NR4A2: variants seen among roughly 807,000 people sequenced by gnomAD.
NR4A2 encodes the protein nuclear receptor subfamily 4 group A member 2, also known as NGFI-B/nur77 beta-type transcription factor homolog.
Under a neutral mutation model 50.5 loss-of-function variants are expected in NR4A2, and 1 was observed. That is an observed-to-expected ratio of 0.02 (90% CI 0.01 to 0.09). The LOEUF (loss-of-function observed/expected upper bound fraction) is 0.09, where lower values mean the gene tolerates loss of function less well. NR4A2 is among the 10% of genes least tolerant of loss of function. The pLI is 1.00. For synonymous variants in NR4A2, 328 were observed against 309.4 expected, an observed-to-expected ratio of 1.06 and a Z score of -0.63; for missense variants, 613 against 777.3, an observed-to-expected ratio of 0.79 and a Z score of 2.51.
chr2:156,329,694 G>C lies in NR4A2; in HGVS notation c.493C>G (p.Gln165Glu). The C allele has an allele frequency of 6.2e-7, 1 of 1,614,034 alleles. No homozygotes were observed. Among genetic ancestry groups the C allele is most frequent in the African/African-American group, 1.3e-5 (1 of 75,040 alleles). ...NYVATTHMIE[Q>E]RKTPVSRLSL... ...AGGCGGGAGACTGGCGTTTTCCTCT[G>C]CTCGATCATGTGCGTAGTGGCCACG... The change falls in exon 3 of 8, where the codon CAG (glutamine) becomes GAG (glutamate). Residue 165 changes from glutamine to glutamate, a missense_variant. Physicochemically the swap from Gln to Glu is conservative, Grantham distance 29. Transcript: ENST00000339562. This position sits in a 1 kb window ranked among gnomAD's most constrained non-coding sequence, Gnocchi z 7.5.
chr2:156,328,254 C>T lies in NR4A2; in HGVS notation c.994+150G>A. On this transcript the variant is annotated intron_variant, in intron 4 of 7. Transcript: ENST00000339562. The surrounding 1 kb of genome is among the most constrained non-coding windows in gnomAD (Gnocchi z 4.9). ...GCCTGGCGGCTTTCTCTAGGGAAGG[C>T]CGGGCAAGCAGGCAGCTGCAGGGTC... is the stretch of plus-strand genomic sequence containing the variant. 7.4e-7 allele frequency: 1 copy of T among 1,356,798 alleles called. No homozygotes were observed. Among genetic ancestry groups the T allele is most frequent in the Non-Finnish European group, 1.0e-6 (1 of 960,234 alleles). The allele number at this position is 1,356,798 out of a possible 1,614,324, so 84.0% of individuals were successfully genotyped here. A position where few individuals can be genotyped will look rare whatever the true frequency, so the allele number is the denominator to read the frequency against.
In NR4A2 at chr2:156,326,458, ACC is replaced by A; in HGVS notation, c.1362-132_1362-131del. 1.1e-6 allele frequency: 1 copy of A among 946,420 alleles called. No homozygotes were observed. The highest frequency in any genetic ancestry group is 1.7e-6 in the Non-Finnish European group (1 of 599,274). The allele number at this position is 946,420 out of a possible 1,614,324, so 58.6% of individuals were successfully genotyped here. ...TTACTGAAGAGTTAATAAAATGTAG[ACC>A]AGTGGACCTTGAAAGGGTTTAATTT... On this transcript the variant is annotated intron_variant, in intron 6 of 7. Coordinates refer to ENST00000339562, the MANE Select transcript of NR4A2 (RefSeq NM_006186.4). This position sits in a 1 kb window ranked among gnomAD's most constrained non-coding sequence, Gnocchi z 4.2.
chr2:156,328,145 G>T lies in NR4A2; in HGVS notation c.995-131C>A. 1 of 1,243,360 alleles carries T rather than the reference G, an allele frequency of 8.0e-7. No homozygotes were observed. Among genetic ancestry groups the T allele is most frequent in the Non-Finnish European group, 1.1e-6 (1 of 876,454 alleles). The allele number at this position is 1,243,360 out of a possible 1,614,324, so 77.0% of individuals were successfully genotyped here. A position where few individuals can be genotyped will look rare whatever the true frequency, so the allele number is the denominator to read the frequency against. On this transcript the variant is annotated intron_variant, in intron 4 of 7. Coordinates refer to ENST00000339562, the MANE Select transcript of NR4A2 (RefSeq NM_006186.4). This position sits in a 1 kb window ranked among gnomAD's most constrained non-coding sequence, Gnocchi z 4.9. ...GGCTGAGGGCCCCAGTGCTTGTAAA[G>T]CCTTCACTGACTAGAAGCATTAAAA...
In NR4A2 at chr2:156,326,974, G is replaced by C; in HGVS notation, c.1159-54C>G. 1 of 1,552,664 alleles carries C rather than the reference G, an allele frequency of 6.4e-7. No homozygotes were observed. The highest frequency in any genetic ancestry group is 8.9e-7 in the Non-Finnish European group (1 of 1,127,564). ...TGAGGTTCTCTAAAATATATAACCC[G>C]TGAAATTGCTAACCCCGTTTCTAAT... is the stretch of plus-strand genomic sequence containing the variant. On this transcript the variant is annotated intron_variant, in intron 5 of 7. Coordinates refer to ENST00000339562, the MANE Select transcript of NR4A2 (RefSeq NM_006186.4). The surrounding 1 kb of genome is among the most constrained non-coding windows in gnomAD (Gnocchi z 4.2).
At position 156,326,653 on chromosome 2, in the gene NR4A2, C is replaced by G; in HGVS notation, c.1361+65G>C. 1.3e-6 allele frequency: 2 copies of G among 1,549,998 alleles called. No homozygotes were observed. Among genetic ancestry groups the G allele is most frequent in the Non-Finnish European group, 1.8e-6 (2 of 1,125,950 alleles). On this transcript the variant is annotated intron_variant, in intron 6 of 7. Coordinates refer to ENST00000339562, the MANE Select transcript of NR4A2 (RefSeq NM_006186.4). The surrounding 1 kb of genome is among the most constrained non-coding windows in gnomAD (Gnocchi z 4.2). ...CCCACCCTCTGGTTTCCCTTCCTCC[C>G]TTTCTTTTCCTTTCTTGATTTCTCT...
At chr2:156,331,915 T>G (rs1686943392) in intron 1 of NR4A2, 1 of 154,946 alleles carries the variant, frequency 6.5e-6, no homozygotes, top group African/African-American at 2.4e-5. Context: ...CTCTGATACA[T>G]TCGCAAACCC....
chr2:156,326,787 G>A lies in NR4A2; in HGVS notation c.1292C>T (p.Pro431Leu). The A allele has an allele frequency of 6.2e-7, 1 of 1,614,152 alleles. No homozygotes were observed. Residue 431 changes from proline to leucine, a missense_variant, in exon 6 of 8, where the codon CCC becomes CTC. Pro to Leu is a moderately conservative substitution (Grantham distance 98, BLOSUM62 -3). Coordinates refer to ENST00000339562, the MANE Select transcript of NR4A2 (RefSeq NM_006186.4). This position sits in a 1 kb window ranked among gnomAD's most constrained non-coding sequence, Gnocchi z 4.2. ...AEKIPGFADL[P>L]KADQDLLFES... is the part of the protein sequence containing the mutation. ...AAAAAGCAGGTCTTGGTCGGCTTTGGGCAGGTCTGCGAAGCCAGGGATCTT... is the reference window on the plus strand; with the variant it reads ...AAAAAGCAGGTCTTGGTCGGCTTTGAGCAGGTCTGCGAAGCCAGGGATCTT...
Position 156,325,750 on chromosome 2 carries a change from A to T in NR4A2, c.1791T>A (p.Pro597=), listed in dbSNP as rs763317663. The change falls in exon 8 of 8, where the codon CCT becomes CCA. Residue 597 remains proline, a synonymous_variant. Transcript: ENST00000339562. ...AAGTGCTTGGGAGGAGGTCTTAGAA[A>T]GGTAAAGTGTCCAGGAAAAGTTTGT... is the stretch of plus-strand genomic sequence containing the variant. The part of the protein sequence containing the change: ...IIDKLFLDTL[P]F The T allele has an allele frequency of 6.2e-7, 1 of 1,614,122 alleles. No individual in the cohort carries two copies. The highest frequency in any genetic ancestry group is 8.5e-7 in the Non-Finnish European group (1 of 1,180,042).
rs565929368 is a variant in NR4A2 at position 156,328,649 on chromosome 2, C to T, written c.865-116G>A. 2.2e-5 allele frequency: 26 copies of T among 1,208,694 alleles called. No individual in the cohort carries two copies. The highest frequency in any genetic ancestry group is 5.5e-5 in the Admixed American group (3 of 54,982). The allele number at this position is 1,208,694 out of a possible 1,614,324, so 74.9% of individuals were successfully genotyped here. On this transcript the variant is annotated intron_variant, in intron 3 of 7. Coordinates refer to ENST00000339562, the MANE Select transcript of NR4A2 (RefSeq NM_006186.4). This position sits in a 1 kb window ranked among gnomAD's most constrained non-coding sequence, Gnocchi z 4.9. ...TACGATTCCTCCCCACAAACAAACA[C>T]ATACACACAATTCCATTTTATTTTT... is the stretch of plus-strand genomic sequence containing the variant.
rs962002264 is a variant in NR4A2, at chr2:156,332,462, T to C, written c.-127+18A>G. 42 of 1,288,266 alleles carry C rather than the reference T, an allele frequency of 3.3e-5. No homozygotes were observed. The highest frequency in any genetic ancestry group is 3.9e-5 in the Non-Finnish European group (39 of 987,944). 79.8% of individuals were successfully genotyped at this position (1,288,266 alleles called of 1,614,324 possible). ...AAAGCATAAAAGAAGGCGAACTGCA[T>C]GGGCTGCATCTACTCACTTAGGAGT... On this transcript the variant is annotated intron_variant, in intron 1 of 7. Transcript: ENST00000339562.
In NR4A2 at chr2:156,324,946, A is replaced by T. The variant is rs2105587363; in HGVS notation, c.*798T>A. The T allele has an allele frequency of 6.5e-6, 1 of 152,796 alleles. No individual in the cohort carries two copies. The highest frequency in any genetic ancestry group is 3.4e-3 in the Middle Eastern group (1 of 294). The allele number at this position is 152,796 out of a possible 1,614,324, so 9.5% of individuals were successfully genotyped here. A position where few individuals can be genotyped will look rare whatever the true frequency, so the allele number is the denominator to read the frequency against. On this transcript the variant is annotated 3_prime_UTR_variant, in exon 8 of 8. Transcript: ENST00000339562. Reference sequence around the variant, plus strand: ...ATTGAGAAAATGTTTAAGCTCAGATAACTACCAATCTTTATAAAATCTAAC... The same window carrying T: ...ATTGAGAAAATGTTTAAGCTCAGATTACTACCAATCTTTATAAAATCTAAC...
chr2:156,327,768 C>T, intron 5 of NR4A2, 83 bp downstream of exon 5: 1 of 1,515,232 alleles, frequency 6.6e-7, no homozygotes, highest in Non-Finnish European at 9.0e-7. Context: ...CCCGTTGAAT[C>T]TGAGAGTTAA....
intron 1 of NR4A2, 145 bp downstream of exon 1, chr2:156,332,335 A>C (rs1019701942): frequency 1.7e-6 from 1 of 579,426 alleles, no homozygotes; most frequent in Non-Finnish European, 2.8e-6. Flanking sequence ...GCGCGCACGC[A>C]CTCCCCATCC....
At position 156,328,339 on chromosome 2, in the gene NR4A2, C is replaced by G; in HGVS notation, c.994+65G>C. On this transcript the variant is annotated intron_variant, in intron 4 of 7. Coordinates refer to ENST00000339562, the MANE Select transcript of NR4A2 (RefSeq NM_006186.4). This position sits in a 1 kb window ranked among gnomAD's most constrained non-coding sequence, Gnocchi z 4.9. The stretch of plus-strand genomic sequence containing the variant: ...CAGCACCGGGAAGTGGAACGTGATG[C>G]TGGAGTATGAGCAGTGGTTTCCTAA... 1 of 1,612,206 alleles carries G rather than the reference C, an allele frequency of 6.2e-7. No homozygotes were observed. The highest frequency in any genetic ancestry group is 8.5e-7 in the Non-Finnish European group (1 of 1,178,694).
rs898840711 is a variant in NR4A2 at position 156,329,891 on chromosome 2, T to C, written c.296A>G (p.Asn99Ser). Reference sequence around the variant, plus strand: ...GGGCAGGTGGCTGTGTTGCTGGTAGTTGTGCATCTGAATGTCTTCTACCTT... The same window carrying C: ...GGGCAGGTGGCTGTGTTGCTGGTAGCTGTGCATCTGAATGTCTTCTACCTT... ...SIKVEDIQMHNYQQHSHLPPQ... is the reference protein window; with the variant it reads ...SIKVEDIQMHSYQQHSHLPPQ... The change falls in exon 3 of 8, where the codon AAC becomes AGC. Residue 99 changes from asparagine to serine, a missense_variant. Around this residue, in one of 4 missense-constraint regions of NR4A2, gnomAD observed 275 missense variants for 248.9 expected, o/e 1.10. Transcript: ENST00000339562. This position sits in a 1 kb window ranked among gnomAD's most constrained non-coding sequence, Gnocchi z 7.5. 9 of 1,613,966 alleles carry C rather than the reference T, an allele frequency of 5.6e-6. No homozygotes were observed. Among genetic ancestry groups the C allele is most frequent in the African/African-American group, 4.0e-5 (3 of 74,874 alleles).
Position 156,329,900 on chromosome 2 carries a change from T to A in NR4A2, c.287A>T (p.Gln96Leu). The A allele has an allele frequency of 6.2e-7, 1 of 1,614,168 alleles. No homozygotes were observed. Among genetic ancestry groups the A allele is most frequent in the Non-Finnish European group, 8.5e-7 (1 of 1,180,034 alleles). The change falls in exon 3 of 8, where the codon CAG becomes CTG. Residue 96 changes from glutamine (Q) to leucine (L), a missense_variant. Around this residue, in one of 4 missense-constraint regions of NR4A2, gnomAD observed 275 missense variants for 248.9 expected, o/e 1.10. Coordinates refer to ENST00000339562, the MANE Select transcript of NR4A2 (RefSeq NM_006186.4). The surrounding 1 kb of genome is among the most constrained non-coding windows in gnomAD (Gnocchi z 7.5). ...QQSSIKVEDI[Q>L]MHNYQQHSHL... is the part of the protein sequence containing the mutation. ...GCTGTGTTGCTGGTAGTTGTGCATC[T>A]GAATGTCTTCTACCTTAATGGAGGA...
rs1686580488 is a variant in NR4A2, at chr2:156,325,112, AT to A, written c.*631del. 6.5e-6 allele frequency: 1 copy of A among 152,860 alleles called. No homozygotes were observed. The highest frequency in any genetic ancestry group is 1.5e-5 in the Non-Finnish European group (1 of 68,280). 9.5% of individuals were successfully genotyped at this position (152,860 alleles called of 1,614,324 possible). A position where few individuals can be genotyped will look rare whatever the true frequency, so the allele number is the denominator to read the frequency against. ...TTTCTTTTTTTTTGCAAACACACTT[AT>A]CTTTTAGAATTTGTAATATTTATTC... On this transcript the variant is annotated 3_prime_UTR_variant, in exon 8 of 8. Coordinates refer to ENST00000339562, the MANE Select transcript of NR4A2 (RefSeq NM_006186.4).
Position 156,329,784 on chromosome 2 carries a change from A to G in NR4A2, c.403T>C (p.Phe135Leu). ...SSPPTPTTPG[F>L]QVQHSPMWDD... ...CACATGGGGCTGTGCTGCACCTGGA[A>G]GCCCGGGGTGGTGGGCGTCGGGGGC... is the stretch of plus-strand genomic sequence containing the variant. Residue 135 changes from phenylalanine (F) to leucine (L), a missense_variant, in exon 3 of 8, where the codon TTC becomes CTC. Coordinates refer to ENST00000339562, the MANE Select transcript of NR4A2 (RefSeq NM_006186.4). The surrounding 1 kb of genome is among the most constrained non-coding windows in gnomAD (Gnocchi z 7.5). The G allele has an allele frequency of 1.9e-6, 3 of 1,613,564 alleles. No homozygotes were observed. The highest frequency in any genetic ancestry group is 2.5e-6 in the Non-Finnish European group (3 of 1,179,532).
chr2:156,328,602 T>C lies in NR4A2; in HGVS notation c.865-69A>G. The C allele has an allele frequency of 6.2e-7, 1 of 1,604,704 alleles. No individual in the cohort carries two copies. ...TGAAAATCAGGCAACTCGGAGAAAA[T>C]TTCTGTTATGTGACTGGGGTCTACG... On this transcript the variant is annotated intron_variant, in intron 3 of 7. Transcript: ENST00000339562. The surrounding 1 kb of genome is among the most constrained non-coding windows in gnomAD (Gnocchi z 4.9).
Sources: gnomAD v4.1 joint callset for allele counts on GRCh38, gnomAD v4.1.1 for gene constraint, gnomAD v4.1.1 regional missense constraint, Gnocchi (gnomAD v3.1) non-coding constraint, MANE v1.5 for transcripts, NCBI Gene and HGNC (gene_info 2026-07-23, HGNC 2026-07-21) for gene names.